Variants in KANK1 observed in about 807,000 individuals in gnomAD.
KANK1 encodes KN motif and ankyrin repeat domains 1, also known as KN motif and ankyrin repeat domain-containing protein 1.
A neutral mutation model predicts 106.2 loss-of-function variants in KANK1; 109 were observed. The ratio of observed to expected loss-of-function variants is 1.03; its 90% confidence interval spans 0.88 to 1.20. The LOEUF (loss-of-function observed/expected upper bound fraction) is 1.20. Ranked by LOEUF, KANK1 falls within the 50% of genes most tolerant of loss-of-function variation. The pLI is 0.00. For synonymous variants in KANK1, 873 were observed against 652.2 expected (o/e 1.34, Z -5.16); for missense variants, 2,399 against 1,710.7 (o/e 1.40, Z -7.10).
chr9:525,076 C>T (rs1472055731), intron 1 of KANK1, among the ~76,000 whole-genome samples: 1 of 145,376 alleles, frequency 6.9e-6, no homozygotes, highest in Non-Finnish European at 1.5e-5. Context: ...CTCACTGCAA[C>T]CTCCGCCTCC....
chr9:593,088 T>C (rs1825368779), intron 1 of KANK1, among the ~76,000 whole-genome samples: 1 of 151,882 alleles, frequency 6.6e-6, no homozygotes, highest in South Asian at 2.1e-4. Context: ...TAGATAATTC[T>C]GGCCGCCAGT....
chr9:518,051 C>T (rs2059370739), intron 1 of KANK1, among the ~76,000 whole-genome samples: 1 of 151,582 alleles, frequency 6.6e-6, no homozygotes, highest in Admixed American at 6.6e-5. Context: ...CTTGAGGGTT[C>T]TTAGCCATCC....
At chr9:591,919 A>G (rs1316813495) in intron 1 of KANK1, among the ~76,000 whole-genome samples, 2 of 151,730 alleles carry the variant, frequency 1.3e-5, no homozygotes, top group Non-Finnish European at 2.9e-5. Flanking sequence ...TCAGCCTCTG[A>G]AAATGCTGGG....
At chr9:719,003 A>G (rs1828556773) in intron 3 of KANK1, among the ~76,000 whole-genome samples, 1 of 115,048 alleles carries the variant, frequency 8.7e-6, no homozygotes. Context: ...TCTGTCACCC[A>G]GGCTGGAGTG....
chr9:744,730 C>A, intron 11 of KANK1, 141 bp downstream of exon 11: 1 of 1,543,264 alleles, frequency 6.5e-7, no homozygotes, highest in Non-Finnish European at 8.8e-7. Flanking sequence ...AAGAGTTCAT[C>A]CTTTCCGCCT....
At chr9:658,929 G>C (rs927275970) in intron 1 of KANK1, among the ~76,000 whole-genome samples, 1 of 152,028 alleles carries the variant, frequency 6.6e-6, no homozygotes, top group East Asian at 1.9e-4. Context: ...GACCCTTAAG[G>C]ACCACCCATT....
At chr9:580,590 T>C (rs1821821380) in intron 1 of KANK1, among the ~76,000 whole-genome samples, 1 of 152,258 alleles carries the variant, frequency 6.6e-6, no homozygotes, top group South Asian at 2.1e-4. Context: ...GAGCACTGAC[T>C]GGTGCATTTG....
In KANK1 at chr9:669,984, C is replaced by G. The variant is rs77923914; in HGVS notation, c.-83-6906C>G. Among the ~76,000 whole-genome samples, 440 of 152,202 alleles carry G rather than the reference C, an allele frequency of 2.9e-3. 1 individual carries two copies. The highest frequency in any genetic ancestry group is 0.01 in the African/African-American group (428 of 41,540). On this transcript the variant is annotated intron_variant, in intron 1 of 11. Transcript: ENST00000382297. ...GAGCCTGTCTTTGGGCTGACTGATT[C>G]TTTCCTCTGCTTGATGCATTCTGCT...
At chr9:572,026 T>C (rs1819308631) in intron 1 of KANK1, among the ~76,000 whole-genome samples, 1 of 152,130 alleles carries the variant, frequency 6.6e-6, no homozygotes, top group Non-Finnish European at 1.5e-5. Flanking sequence ...ACTTTGGAGG[T>C]TGCTGGGAGG....
chr9:584,173 A>C (rs182329637), intron 1 of KANK1, among the ~76,000 whole-genome samples: 2 of 152,330 alleles, frequency 1.3e-5, no homozygotes, highest in East Asian at 3.9e-4. Context: ...ATTATTGATC[A>C]GTCATTAAAA....
At chr9:492,374 T>TA (rs1448517077) in intron 3 of KANK1, 2 of 152,204 alleles carry the variant, frequency 1.3e-5, no homozygotes, top group Non-Finnish European at 2.9e-5. Context: ...TGTCGGTACT[T>TA]ACGTGGATAG....
At chr9:557,988 G>C (rs534037619) in intron 1 of KANK1, among the ~76,000 whole-genome samples, 47 of 127,920 alleles carry the variant, frequency 3.7e-4, no homozygotes, top group African/African-American at 9.8e-4. Flanking sequence ...CTGGGTGACA[G>C]AGCAAGACTC....
At chr9:665,407 A>G (rs1044361474) in intron 1 of KANK1, among the ~76,000 whole-genome samples, 6 of 152,172 alleles carry the variant, frequency 3.9e-5, no homozygotes, top group Admixed American at 1.3e-4. Flanking sequence ...TCCCAGTGCC[A>G]TTTATTGAAG....
At chr9:694,154 G>A (rs1195648876) in intron 2 of KANK1, among the ~76,000 whole-genome samples, 1 of 152,002 alleles carries the variant, frequency 6.6e-6, no homozygotes, top group African/African-American at 2.4e-5. Flanking sequence ...ATTAAAGCTG[G>A]CTTCTTGTAT....
intron 1 of KANK1, among the ~76,000 whole-genome samples, chr9:667,115 G>C (rs10975659): frequency 3.3e-5 from 5 of 150,878 alleles, no homozygotes; most frequent in African/African-American, 9.7e-5. Flanking sequence ...TTATAGCTTT[G>C]ATCTTATTAC....
intron 4 of KANK1, 172 bp from the exon 5 acceptor site, chr9:730,986 G>C (rs964177994): frequency 4.9e-6 from 2 of 409,788 alleles, no homozygotes; most frequent in South Asian, 6.9e-5. Context: ...ATGGAACTTT[G>C]AATTATTTTC....
chr9:587,646 C>A (rs1052953472), intron 1 of KANK1, among the ~76,000 whole-genome samples: 1 of 152,166 alleles, frequency 6.6e-6, no homozygotes, highest in Non-Finnish European at 1.5e-5. Flanking sequence ...ATTTTTGCAA[C>A]TTGAGTAACA....
chr9:568,903 A>G (rs573238447), intron 1 of KANK1, among the ~76,000 whole-genome samples: 1 of 152,200 alleles, frequency 6.6e-6, no homozygotes, highest in African/African-American at 2.4e-5. Flanking sequence ...ATGTTTTGCC[A>G]AATTTATATC....
intron 6 of KANK1, chr9:733,259 G>A (rs1206594669): frequency 6.6e-6 from 1 of 152,200 alleles, no homozygotes; most frequent in Non-Finnish European, 1.5e-5. Context: ...AGAAAAGGTG[G>A]AAACTTCAGT....
Sources: gnomAD v4.1 joint callset for allele counts (sites outside exome capture counted in the v4.1 genomes callset) on GRCh38, gnomAD v4.1.1 for gene constraint, MANE v1.5 for transcripts, NCBI Gene and HGNC (gene_info 2026-07-23, HGNC 2026-07-21) for gene names.